The following TIAM1 variants were observed in gnomAD, a reference collection of about 807,000 sequenced individuals.
The protein encoded by TIAM1 is rho guanine nucleotide exchange factor TIAM1.
In TIAM1, 65 loss-of-function variants were observed where a neutral mutation model predicts 163.5. The ratio of observed to expected loss-of-function variants is 0.40; its 90% CI spans 0.33 to 0.49. The LOEUF is 0.49. Among genes scored for constraint, TIAM1 ranks in the 20% least tolerant of loss-of-function variants. The pLI is 0.77. For missense variants in TIAM1, 1,789 were observed against 2,044.7 expected (o/e 0.87, Z 2.41); for synonymous variants, 833 against 810.1 (o/e 1.03, Z -0.48).
chr21:31,449,689 T>G (rs74407371), intron 2 of TIAM1, among the ~76,000 whole-genome samples: 266 of 152,222 alleles, frequency 1.7e-3, no homozygotes, highest in African/African-American at 6.1e-3. Flanking sequence ...GTTTTTTAAT[T>G]AAATGCTTGT....
chr21:31,452,896 T>C (rs559423091), intron 2 of TIAM1: 26 of 517,862 alleles, frequency 5.0e-5, no homozygotes, highest in Non-Finnish European at 9.0e-5. Context: ...TATGACGATG[T>C]CCTGAAGACA....
chr21:31,460,249 T>C (rs112939821), intron 2 of TIAM1, among the ~76,000 whole-genome samples: 3 of 152,190 alleles, frequency 2.0e-5, no homozygotes, highest in African/African-American at 7.2e-5. Flanking sequence ...CCCCTGTCCC[T>C]GCCTTTCTTC....
intron 2 of TIAM1, among the ~76,000 whole-genome samples, chr21:31,354,646 G>A (rs750514359): frequency 1.3e-5 from 2 of 152,092 alleles, no homozygotes; most frequent in African/African-American, 2.4e-5. Context: ...CCAACTTCCC[G>A]GTAAAACATG....
At chr21:31,171,901 G>A (rs1048515121) in intron 15 of TIAM1, among the ~76,000 whole-genome samples, 1 of 152,162 alleles carries the variant, frequency 6.6e-6, no homozygotes, top group Non-Finnish European at 1.5e-5. Context: ...CACCATACGT[G>A]GGAGTGAGTA....
intron 2 of TIAM1, among the ~76,000 whole-genome samples, chr21:31,454,089 T>C (rs1692387163): frequency 6.6e-6 from 1 of 152,246 alleles, no homozygotes; most frequent in South Asian, 2.1e-4. Context: ...GCTGTACTTT[T>C]ATCCAGACCA....
intron 11 of TIAM1, 139 bp downstream of exon 11, chr21:31,209,906 A>G (rs960345437): frequency 1.2e-6 from 1 of 825,760 alleles, no homozygotes; most frequent in African/African-American, 1.7e-5. Context: ...AAGGAATGCA[A>G]TGCTGCTCCG....
At chr21:31,491,807 C>T (rs1269666147) in intron 1 of TIAM1, among the ~76,000 whole-genome samples, 1 of 152,142 alleles carries the variant, frequency 6.6e-6, no homozygotes, top group Admixed American at 6.5e-5. Context: ...TCTTCCAAAG[C>T]AATTTTTTCA....
intron 1 of TIAM1, among the ~76,000 whole-genome samples, chr21:31,544,930 G>A (rs574591072): frequency 8.6e-5 from 13 of 151,802 alleles, no homozygotes; most frequent in Non-Finnish European, 1.9e-4. Flanking sequence ...GGAGAATGGC[G>A]TGAACCCGGG....
chr21:31,236,237 C>T (rs773025979), intron 6 of TIAM1, among the ~76,000 whole-genome samples: 4 of 152,182 alleles, frequency 2.6e-5, no homozygotes, highest in Admixed American at 2.0e-4. Context: ...ACAGTTGATC[C>T]GGAGTGAGCC....
intron 1 of TIAM1, among the ~76,000 whole-genome samples, chr21:31,547,535 AG>A (rs2048538322): frequency 6.6e-6 from 1 of 152,240 alleles, no homozygotes; most frequent in Non-Finnish European, 1.5e-5. Flanking sequence ...TCTACTTTTA[AG>A]GAATTCGATT....
At chr21:31,154,749 G>A (rs1452959552) in intron 16 of TIAM1, among the ~76,000 whole-genome samples, 3 of 152,198 alleles carry the variant, frequency 2.0e-5, no homozygotes, top group African/African-American at 2.4e-5. Context: ...GTAAGTGGCA[G>A]AGCTGGGATT....
At chr21:31,489,814 C>T (rs1602405362) in intron 1 of TIAM1, among the ~76,000 whole-genome samples, 1 of 152,190 alleles carries the variant, frequency 6.6e-6, no homozygotes, top group East Asian at 1.9e-4. Context: ...CCCCTCCCCT[C>T]CCCATCCCAC....
chr21:31,490,695 C>T (rs915935955), intron 1 of TIAM1, among the ~76,000 whole-genome samples: 1 of 152,220 alleles, frequency 6.6e-6, no homozygotes, highest in African/African-American at 2.4e-5. Flanking sequence ...AGGAAGTAGA[C>T]TGGGGAGTTC....
intron 1 of TIAM1, among the ~76,000 whole-genome samples, chr21:31,517,739 G>C (rs987592150): frequency 3.9e-5 from 6 of 152,170 alleles, no homozygotes; most frequent in Middle Eastern, 3.2e-3. Context: ...CTTCCTGCAA[G>C]CCAGAAATAA....
intron 23 of TIAM1, among the ~76,000 whole-genome samples, chr21:31,131,344 AC>A (rs563145487): frequency 6.6e-4 from 101 of 152,392 alleles, no homozygotes; most frequent in African/African-American, 1.8e-3. Flanking sequence ...AAGATGATTT[AC>A]ATTTATGCAA....
In TIAM1 at chr21:31,521,745, A is replaced by AACACACACACACACACACACAC. The variant is rs35006738; in HGVS notation, c.-422+37160_-422+37181dup. Among the ~76,000 whole-genome samples the AACACACACACACACACACACAC allele has an allele frequency of 6.3e-3, 923 of 146,950 alleles. 9 individuals are homozygous for AACACACACACACACACACACAC. The highest frequency in any genetic ancestry group is 0.011 in the South Asian group (50 of 4,482). ...AGAGCAAGACCCTGCCTCACACACA[A>AACACACACACACACACACACAC]ACACACACACACACACACACACACA... On this transcript the variant is annotated intron_variant, in intron 1 of 28. Coordinates refer to the TIAM1 transcript ENST00000286827.
intron 2 of TIAM1, chr21:31,452,786 C>T (rs1057426982): frequency 1.3e-4 from 67 of 527,810 alleles, no homozygotes; most frequent in Non-Finnish European, 1.9e-4. Flanking sequence ...AGGAAGACAG[C>T]AATCATGATG....
chr21:31,346,341 A>G (rs1400740125), upstream of TIAM1, among the ~76,000 whole-genome samples: 1 of 152,192 alleles, frequency 6.6e-6, no homozygotes, highest in Non-Finnish European at 1.5e-5. Context: ...CTCCTTTTCC[A>G]CTGTGCAGCA....
At chr21:31,328,472 A>G (rs1019226194) in intron 2 of TIAM1, among the ~76,000 whole-genome samples, 6 of 152,000 alleles carry the variant, frequency 3.9e-5, no homozygotes, top group Admixed American at 3.9e-4. Context: ...CTAGGCTCAC[A>G]TGATCCTCCC....
Sources: allele counts gnomAD v4.1 joint callset (sites outside exome capture counted in the v4.1 genomes callset), GRCh38; gene constraint gnomAD v4.1.1; transcripts MANE v1.5; gene names NCBI Gene and HGNC (gene_info 2026-07-23, HGNC 2026-07-21).